ALPK2: variants seen among roughly 807,000 people sequenced by gnomAD.
ALPK2 encodes the protein alpha kinase 2, also known as alpha-protein kinase 2.
ALPK2 carries 127 observed loss-of-function variants against 163.1 expected under a neutral mutation model. That is an observed-to-expected ratio of 0.78 (90% CI 0.67 to 0.90). The LOEUF (loss-of-function observed/expected upper bound fraction) is 0.90. Among genes scored for constraint, ALPK2 ranks in the 40% least tolerant of loss-of-function variants. ALPK2 has a pLI of 0.00. For missense variants in ALPK2, 2,360 were observed against 2,589.6 expected, an observed-to-expected ratio of 0.91 and a Z score of 1.92; for synonymous variants, 953 against 959.1, an observed-to-expected ratio of 0.99 and a Z score of 0.12.
chr18:58,575,440 C>T (rs2051915333), intron 4 of ALPK2, among the ~76,000 whole-genome samples: 1 of 151,038 alleles, frequency 6.6e-6, no homozygotes, highest in African/African-American at 2.5e-5. Flanking sequence ...TTCTTAATTA[C>T]CAGAGCCCAA....
In ALPK2 at chr18:58,591,144, T is replaced by C. The variant is rs535455531; in HGVS notation, c.228-10596A>G. On this transcript the variant is annotated intron_variant, in intron 3 of 12. Coordinates refer to ENST00000361673, the MANE Select transcript of ALPK2 (RefSeq NM_052947.4). The stretch of plus-strand genomic sequence containing the variant: ...CCCTTTGTCTCTGCTGCCCAGGAGA[T>C]AGTGGCTCTGAGTGACCTCACTGTT... 1.8e-3 allele frequency among the ~76,000 whole-genome samples: 277 copies of C among 152,290 alleles called. 1 individual carries two copies. Among genetic ancestry groups the C allele is most frequent in the Non-Finnish European group, 3.4e-3 (230 of 68,022 alleles).
rs72958640 is a variant in ALPK2, at chr18:58,611,838, C to T, written c.-20-21G>A. ...CAAATCTGAAAAAAAAAAAAATCCCCGACATCACCATTTGTTCTGGGATTT... is the reference window on the plus strand; with the variant it reads ...CAAATCTGAAAAAAAAAAAAATCCCTGACATCACCATTTGTTCTGGGATTT... On this transcript the variant is annotated intron_variant, in intron 1 of 12. Coordinates refer to ENST00000361673, the MANE Select transcript of ALPK2 (RefSeq NM_052947.4). The T allele has an allele frequency of 4.9e-3, 6,362 of 1,303,670 alleles. 40 individuals carry two copies. Among genetic ancestry groups the T allele is most frequent in the Middle Eastern group, 0.015 (65 of 4,416 alleles). 80.8% of individuals were successfully genotyped at this position (1,303,670 alleles called of 1,614,324 possible).
intron 4 of ALPK2, among the ~76,000 whole-genome samples, chr18:58,573,613 CTTTTTTTTTTTTTT>C (rs778622176): frequency 3.9e-5 from 2 of 51,732 alleles, no homozygotes; most frequent in African/African-American, 1.6e-4. Flanking sequence ...TTTTTGTCTT[CTTTTTTTTTTTTTT>C]TTTTTTTTTT....
intron 3 of ALPK2, among the ~76,000 whole-genome samples, chr18:58,592,756 G>T (rs949572718): frequency 1.3e-5 from 2 of 152,252 alleles, no homozygotes. Flanking sequence ...ACTGCATAGT[G>T]GTTAAGGGAC....
chr18:58,602,557 G>T, intron 3 of ALPK2, among the ~76,000 whole-genome samples: 1 of 151,998 alleles, frequency 6.6e-6, no homozygotes, highest in East Asian at 1.9e-4. Flanking sequence ...TCTTCCCACC[G>T]CCATTTTTTC....
intron 5 of ALPK2, among the ~76,000 whole-genome samples, chr18:58,531,110 G>A (rs575255270): frequency 2.0e-5 from 3 of 152,152 alleles, no homozygotes; most frequent in East Asian, 1.9e-4. Flanking sequence ...TGGGAGGATC[G>A]GTTGAGCACA....
chr18:58,567,977 G>C (rs1349548874), intron 4 of ALPK2, among the ~76,000 whole-genome samples: 7 of 152,156 alleles, frequency 4.6e-5, no homozygotes, highest in Non-Finnish European at 1.5e-5. Context: ...CCATCTGAAA[G>C]ATCTCCAGCA....
intron 3 of ALPK2, among the ~76,000 whole-genome samples, chr18:58,585,571 T>C (rs892353280): frequency 2.0e-5 from 3 of 152,172 alleles, no homozygotes; most frequent in Admixed American, 2.0e-4. Context: ...TTTCATCTGA[T>C]TGAAAATATT....
At chr18:58,571,205 A>T (rs2051884047) in intron 4 of ALPK2, among the ~76,000 whole-genome samples, 2 of 151,996 alleles carry the variant, frequency 1.3e-5, no homozygotes, top group South Asian at 4.2e-4. Flanking sequence ...TATTTTTAGT[A>T]GAGACAGGGA....
chr18:58,572,730 G>A (rs1439297963), intron 4 of ALPK2, among the ~76,000 whole-genome samples: 1 of 152,156 alleles, frequency 6.6e-6, no homozygotes, highest in African/African-American at 2.4e-5. Flanking sequence ...GCAGGAAGGA[G>A]GTATGCATGG....
chr18:58,527,371 C>A (rs1183744139), intron 6 of ALPK2, among the ~76,000 whole-genome samples: 2 of 152,140 alleles, frequency 1.3e-5, no homozygotes, highest in African/African-American at 4.8e-5. Context: ...ATGGAGAAAG[C>A]AAATGGGTTC....
chr18:58,611,978 G>C (rs2052134719), intron 1 of ALPK2, among the ~76,000 whole-genome samples, 161 bp from the exon 2 acceptor site: 1 of 152,222 alleles, frequency 6.6e-6, no homozygotes, highest in Non-Finnish European at 1.5e-5. Context: ...CCGTGGTGCT[G>C]CTGGTAGGTG....
At chr18:58,488,523 A>G (rs534245904) in intron 12 of ALPK2, among the ~76,000 whole-genome samples, 24 of 150,382 alleles carry the variant, frequency 1.6e-4, no homozygotes, top group Admixed American at 1.0e-3. Flanking sequence ...AAAGTCACAG[A>G]AATTTCCAGC....
rs540555095 is a variant in ALPK2 at position 58,557,419 on chromosome 18, T to C, written c.1963-19195A>G. ...GGGAACCCTCATGTAAATCATGGGC[T>C]TTGGGTGATGGTGATGTGTCAATGT... On this transcript the variant is annotated intron_variant, in intron 4 of 12. Transcript: ENST00000361673. 5.9e-5 allele frequency among the ~76,000 whole-genome samples: 9 copies of C among 151,368 alleles called. No individual in the cohort carries two copies. The East Asian group carries it at 1.8e-3, about 29-fold the overall frequency.
intron 4 of ALPK2, among the ~76,000 whole-genome samples, chr18:58,560,738 G>A (rs1404447908): frequency 6.6e-6 from 1 of 152,224 alleles, no homozygotes; most frequent in African/African-American, 2.4e-5. Context: ...ACGTGGGCAT[G>A]GGCAGTCTAC....
At chr18:58,530,381 A>C (rs1292236902) in intron 5 of ALPK2, among the ~76,000 whole-genome samples, 1 of 152,220 alleles carries the variant, frequency 6.6e-6, no homozygotes, top group Non-Finnish European at 1.5e-5. Context: ...AAATGTAACA[A>C]GTACGTATTG....
chr18:58,610,020 A>T (rs1393275474), intron 2 of ALPK2, among the ~76,000 whole-genome samples: 1 of 152,142 alleles, frequency 6.6e-6, no homozygotes, highest in Non-Finnish European at 1.5e-5. Flanking sequence ...AGCGAAAGGC[A>T]GCCGTTTCTG....
At chr18:58,580,723 C>A in intron 3 of ALPK2, 175 bp from the exon 4 acceptor site, 1 of 637,884 alleles carries the variant, frequency 1.6e-6, no homozygotes, top group South Asian at 2.0e-5. Flanking sequence ...GGCTCCGGTG[C>A]CCCTAGTGCT....
chr18:58,500,017 G>A (rs958723933), intron 11 of ALPK2, among the ~76,000 whole-genome samples: 1 of 152,246 alleles, frequency 6.6e-6, no homozygotes, highest in African/African-American at 2.4e-5. Flanking sequence ...CAAAGGACGT[G>A]TTGGGATTCA....
Sources: gnomAD v4.1 joint callset for allele counts (sites outside exome capture counted in the v4.1 genomes callset) on GRCh38, gnomAD v4.1.1 for gene constraint, MANE v1.5 for transcripts, NCBI Gene and HGNC (gene_info 2026-07-23, HGNC 2026-07-21) for gene names.